FAM133B: variants seen among roughly 807,000 people sequenced by gnomAD.
FAM133B encodes the protein protein FAM133B.
In FAM133B, 25 loss-of-function variants were observed where a neutral mutation model predicts 46.4. That is an observed-to-expected ratio of 0.54 (90% CI 0.39 to 0.75). FAM133B has a LOEUF of 0.75. FAM133B is among the 30% of genes least tolerant of loss of function. FAM133B has a pLI of 0.00. For missense variants in FAM133B, 205 were observed against 277.6 expected (o/e 0.74, Z 1.86); for synonymous variants, 75 against 86.0 (o/e 0.87, Z 0.71).
At position 92,562,276 on chromosome 7, in the gene FAM133B, T is replaced by C; in HGVS notation, c.*6A>G. On this transcript the variant is annotated 3_prime_UTR_variant, in exon 11 of 11. Coordinates refer to ENST00000445716, the MANE Select transcript of FAM133B (RefSeq NM_152789.4). The stretch of plus-strand genomic sequence containing the variant: ...CTTTATAAGGGAATCCTGATTTTTC[T>C]TAATGTTATGGTGAGTCAGGACTTG... The C allele has an allele frequency of 1.3e-6, 2 of 1,526,668 alleles. No individual in the cohort carries two copies. The highest frequency in any genetic ancestry group is 2.5e-5 in the South Asian group (2 of 80,666). 94.6% of individuals were successfully genotyped at this position (1,526,668 alleles called of 1,614,324 possible).
intron 1 of FAM133B, among the ~76,000 whole-genome samples, chr7:92,589,379 TAAC>T (rs1451529386): frequency 3.3e-5 from 5 of 152,244 alleles, no homozygotes; most frequent in Non-Finnish European, 7.3e-5. Context: ...TTAGAATCTC[TAAC>T]AACTATCAAG....
chr7:92,564,555 G>A (rs772548133), intron 10 of FAM133B, among the ~76,000 whole-genome samples: 6 of 152,096 alleles, frequency 3.9e-5, no homozygotes, highest in Non-Finnish European at 7.4e-5. Flanking sequence ...AAACTTATTC[G>A]TCATCGTAGG....
At chr7:92,582,709 G>C (rs1794925272) in intron 1 of FAM133B, among the ~76,000 whole-genome samples, 1 of 152,110 alleles carries the variant, frequency 6.6e-6, no homozygotes, top group African/African-American at 2.4e-5. Context: ...AAGGTATATA[G>C]TAAATGGCCA....
intron 7 of FAM133B, 146 bp downstream of exon 7, chr7:92,576,957 A>G (rs1794718259): frequency 2.4e-6 from 1 of 424,870 alleles, no homozygotes. Flanking sequence ...CACATGCAAG[A>G]TATTATCAAG....
At chr7:92,586,674 T>C (rs1222343923) in intron 1 of FAM133B, among the ~76,000 whole-genome samples, 1 of 152,156 alleles carries the variant, frequency 6.6e-6, no homozygotes, top group African/African-American at 2.4e-5. Flanking sequence ...GGATGGCAAA[T>C]TGGTCTCAAG....
At chr7:92,581,066 G>A (rs1261079237) in intron 2 of FAM133B, among the ~76,000 whole-genome samples, 3 of 152,186 alleles carry the variant, frequency 2.0e-5, no homozygotes, top group East Asian at 3.8e-4. Context: ...GAATAACATG[G>A]CCCATACTCT....
intron 2 of FAM133B, among the ~76,000 whole-genome samples, chr7:92,580,224 C>T: frequency 6.8e-6 from 1 of 147,994 alleles, no homozygotes; most frequent in African/African-American, 2.5e-5. Flanking sequence ...CAGGCATGTA[C>T]TACCACATCC....
intron 1 of FAM133B, among the ~76,000 whole-genome samples, chr7:92,588,086 A>AG (rs1448218875): frequency 2.6e-5 from 4 of 152,202 alleles, no homozygotes; most frequent in Admixed American, 6.5e-5. Flanking sequence ...CTATGCAATG[A>AG]GGAGACTGAA....
intron 8 of FAM133B, among the ~76,000 whole-genome samples, chr7:92,573,933 T>C (rs984589196): frequency 1.4e-4 from 22 of 152,096 alleles, no homozygotes; most frequent in African/African-American, 4.6e-4. Context: ...GGATAAAGTG[T>C]AGTGGCATGA....
chr7:92,581,612 A>T lies in FAM133B; in HGVS notation c.25-9T>A, dbSNP rs756026290. ...ATTGGGTTCATATAGGCCTTGGGGA[A>T]AGAACAACAATTAATCCATTAAAGC... On this transcript the variant is annotated splice_polypyrimidine_tract_variant and intron_variant, in intron 1 of 10. Transcript: ENST00000445716. 6.2e-7 allele frequency: 1 copy of T among 1,607,744 alleles called. No homozygotes were observed. Among genetic ancestry groups the T allele is most frequent in the Non-Finnish European group, 8.5e-7 (1 of 1,174,604 alleles).
At chr7:92,574,075 G>A (rs891663217) in intron 8 of FAM133B, among the ~76,000 whole-genome samples, 4 of 151,916 alleles carry the variant, frequency 2.6e-5, no homozygotes, top group Admixed American at 1.3e-4. Context: ...ACCACTCCTA[G>A]GCATATACCC....
chr7:92,567,895 C>T (rs1370296783), intron 9 of FAM133B, among the ~76,000 whole-genome samples: 1 of 151,758 alleles, frequency 6.6e-6, no homozygotes, highest in Non-Finnish European at 1.5e-5. Context: ...TCCTGAGTAG[C>T]TGGGATTGCG....
intron 2 of FAM133B, among the ~76,000 whole-genome samples, chr7:92,579,993 A>G (rs1390893536): frequency 4.6e-5 from 7 of 152,212 alleles, no homozygotes; most frequent in Admixed American, 2.0e-4. Flanking sequence ...CTATTCTCTG[A>G]TAAGAGCAGA....
At chr7:92,564,278 T>C (rs1794250683) in intron 10 of FAM133B, among the ~76,000 whole-genome samples, 1 of 152,214 alleles carries the variant, frequency 6.6e-6, no homozygotes, top group South Asian at 2.1e-4. Context: ...TTAATTTCAC[T>C]TCCTCAGCGA....
chr7:92,574,579 CTG>C (rs1794634563), intron 8 of FAM133B, among the ~76,000 whole-genome samples: 1 of 151,962 alleles, frequency 6.6e-6, no homozygotes, highest in South Asian at 2.1e-4. Context: ...TTAAATGAAA[CTG>C]AAACTGAATT....
At chr7:92,569,645 TA>T in intron 9 of FAM133B, 177 bp downstream of exon 9, 1 of 358,488 alleles carries the variant, frequency 2.8e-6, no homozygotes, top group Non-Finnish European at 5.1e-6. Context: ...AAATAATAGA[TA>T]ATTATCTTCT....
intron 5 of FAM133B, 160 bp from the exon 6 acceptor site, chr7:92,577,877 T>C (rs1399196431): frequency 1.4e-6 from 1 of 691,982 alleles, no homozygotes; most frequent in African/African-American, 1.8e-5. Context: ...ACTTGTTCCC[T>C]GTACAAAAGC....
intron 1 of FAM133B, among the ~76,000 whole-genome samples, chr7:92,583,436 A>G (rs1052589105): frequency 6.6e-6 from 1 of 152,254 alleles, no homozygotes; most frequent in Non-Finnish European, 1.5e-5. Context: ...CTATATAGTT[A>G]GAAACAGTTA....
chr7:92,569,365 A>G (rs1479813828), intron 9 of FAM133B, among the ~76,000 whole-genome samples: 1 of 148,506 alleles, frequency 6.7e-6, no homozygotes, highest in Non-Finnish European at 1.5e-5. Context: ...ACGAAGTAAT[A>G]TGATATGTTT....
Sources: allele counts gnomAD v4.1 joint callset (sites outside exome capture counted in the v4.1 genomes callset), GRCh38; gene constraint gnomAD v4.1.1; transcripts MANE v1.5; gene names NCBI Gene and HGNC (gene_info 2026-07-23, HGNC 2026-07-21).